The following MYO1D variants were observed in gnomAD, a reference collection of about 807,000 sequenced individuals.
The protein encoded by MYO1D is myosin ID, also known as unconventional myosin-Id.
Under a neutral mutation model 122.0 loss-of-function variants are expected in MYO1D, and 83 were observed. That is an observed-to-expected ratio of 0.68 (90% CI 0.57 to 0.82). The LOEUF is 0.82. Among genes scored for constraint, MYO1D ranks in the 40% least tolerant of loss-of-function variants. The probability of loss-of-function intolerance (pLI) is 0.00; values close to 1 mark genes in which losing one functional copy is unlikely to be tolerated. For synonymous variants in MYO1D, 464 were observed against 446.9 expected (o/e 1.04, Z -0.48); for missense variants, 1,157 against 1,269.5 (o/e 0.91, Z 1.35).
chr17:32,586,047 C>T (rs539749998), intron 21 of MYO1D, among the ~76,000 whole-genome samples: 2 of 152,214 alleles, frequency 1.3e-5, no homozygotes, highest in African/African-American at 4.8e-5. Flanking sequence ...CTTTTTAAGA[C>T]AGGTTAGAGG....
chr17:32,507,895 T>C (rs1444707054), intron 21 of MYO1D, among the ~76,000 whole-genome samples: 1 of 147,494 alleles, frequency 6.8e-6, no homozygotes, highest in African/African-American at 2.5e-5. Context: ...TGCTGGACTT[T>C]TTTTTTTTTT....
chr17:32,757,809 A>G (rs2089964247), intron 10 of MYO1D, among the ~76,000 whole-genome samples: 1 of 152,180 alleles, frequency 6.6e-6, no homozygotes. Flanking sequence ...AAGTTCTTCC[A>G]GCAACTTGGC....
chr17:32,678,312 G>A (rs1456391307), intron 16 of MYO1D, among the ~76,000 whole-genome samples: 2 of 151,280 alleles, frequency 1.3e-5, no homozygotes, highest in Admixed American at 1.3e-4. Flanking sequence ...CATTGTGCAG[G>A]TTAGTTACAT....
intron 1 of MYO1D, chr17:32,830,207 T>C (rs1026248673): frequency 7.2e-5 from 11 of 152,234 alleles, no homozygotes; most frequent in Admixed American, 5.9e-4. Flanking sequence ...TGAAAATATG[T>C]GGGATGCTCA....
chr17:32,726,411 C>T (rs1251075320), intron 14 of MYO1D, among the ~76,000 whole-genome samples: 1 of 141,438 alleles, frequency 7.1e-6, no homozygotes, highest in East Asian at 2.2e-4. Flanking sequence ...CAGAGTGAGA[C>T]CCTGTCTCAA....
intron 20 of MYO1D, among the ~76,000 whole-genome samples, chr17:32,605,573 A>G (rs574847479): frequency 7.2e-5 from 11 of 152,336 alleles, no homozygotes; most frequent in African/African-American, 2.4e-4. Flanking sequence ...TAGAAAAACA[A>G]TACAGAAAAA....
chr17:32,664,739 A>C (rs886695207), intron 16 of MYO1D, among the ~76,000 whole-genome samples: 3 of 152,190 alleles, frequency 2.0e-5, no homozygotes, highest in Admixed American at 2.0e-4. Context: ...GGAACGACTC[A>C]GGTATAAACA....
intron 14 of MYO1D, among the ~76,000 whole-genome samples, chr17:32,729,866 G>A (rs1361900866): frequency 1.3e-5 from 2 of 152,104 alleles, no homozygotes; most frequent in Non-Finnish European, 2.9e-5. Flanking sequence ...GCCCTGAAAT[G>A]GGATAAAGGT....
intron 21 of MYO1D, among the ~76,000 whole-genome samples, chr17:32,547,495 T>C (rs1567885285): frequency 6.6e-6 from 1 of 152,244 alleles, no homozygotes; most frequent in Non-Finnish European, 1.5e-5. Context: ...TCACACTTCA[T>C]GTGTCCATAG....
At chr17:32,651,430 GTC>G (rs1290573168) in intron 19 of MYO1D, among the ~76,000 whole-genome samples, 2 of 152,134 alleles carry the variant, frequency 1.3e-5, no homozygotes, top group Non-Finnish European at 2.9e-5. Context: ...AGCTGCCTTA[GTC>G]TCTCTCACTG....
chr17:32,780,429 T>C, intron 2 of MYO1D, 147 bp downstream of exon 2: 1 of 711,370 alleles, frequency 1.4e-6, no homozygotes, highest in Non-Finnish European at 2.3e-6. Context: ...TAATTTGGTA[T>C]TTAACGTTCA....
At chr17:32,659,644 T>C (rs1206028696) in intron 16 of MYO1D, among the ~76,000 whole-genome samples, 1 of 152,238 alleles carries the variant, frequency 6.6e-6, no homozygotes, top group African/African-American at 2.4e-5. Flanking sequence ...AATGCAAATA[T>C]CTTTGGATAA....
In MYO1D at chr17:32,748,956, T is replaced by C. The variant is rs2151009239; in HGVS notation, c.1518A>G (p.Arg506=). 1 of 1,613,754 alleles carries C rather than the reference T, an allele frequency of 6.2e-7. No individual in the cohort carries two copies. The highest frequency in any genetic ancestry group is 2.2e-5 in the East Asian group (1 of 44,880). ...CTCACACTACATCGCCTGCATAATG[T>C]CGAATTCGAAAATCTCGATCAAACT... ...ILEFDRDFRI[R]HYAGDVVYSV... The change falls in exon 12 of 22, where the codon CGA becomes CGG. Residue 506 remains arginine, a synonymous_variant. Coordinates refer to ENST00000318217, the MANE Select transcript of MYO1D (RefSeq NM_015194.3).
intron 21 of MYO1D, among the ~76,000 whole-genome samples, chr17:32,569,655 C>T (rs1433157073): frequency 6.6e-6 from 1 of 152,152 alleles, no homozygotes; most frequent in Non-Finnish European, 1.5e-5. Context: ...AAGCATTAGT[C>T]TTGGAGAGAT....
intron 21 of MYO1D, among the ~76,000 whole-genome samples, chr17:32,573,551 G>C (rs1325164326): frequency 6.6e-6 from 1 of 151,634 alleles, no homozygotes; most frequent in Non-Finnish European, 1.5e-5. Flanking sequence ...GGAAGGTTTT[G>C]GTCTGTTACC....
intron 19 of MYO1D, among the ~76,000 whole-genome samples, chr17:32,640,283 C>A (rs566566691): frequency 6.6e-6 from 1 of 152,298 alleles, no homozygotes; most frequent in South Asian, 2.1e-4. Flanking sequence ...AAACTTGAAA[C>A]ACAGTGAGTG....
intron 16 of MYO1D, among the ~76,000 whole-genome samples, chr17:32,666,230 C>T (rs982535598): frequency 6.6e-6 from 1 of 152,164 alleles, no homozygotes; most frequent in Non-Finnish European, 1.5e-5. Flanking sequence ...CCTTCCCAGT[C>T]TAGAATCTTT....
intron 21 of MYO1D, among the ~76,000 whole-genome samples, chr17:32,533,099 C>G (rs552871911): frequency 6.6e-6 from 1 of 152,284 alleles, no homozygotes; most frequent in South Asian, 2.1e-4. Flanking sequence ...CCCTCTTCTT[C>G]CATTCGCAGG....
intron 16 of MYO1D, among the ~76,000 whole-genome samples, chr17:32,684,455 A>G (rs1187284534): frequency 2.0e-5 from 3 of 152,184 alleles, no homozygotes; most frequent in Non-Finnish European, 4.4e-5. Context: ...CTGTATTTCC[A>G]AAGAGTACCT....
Sources: allele counts gnomAD v4.1 joint callset (sites outside exome capture counted in the v4.1 genomes callset), GRCh38; gene constraint gnomAD v4.1.1; transcripts MANE v1.5; gene names NCBI Gene and HGNC (gene_info 2026-07-23, HGNC 2026-07-21).